ACVR2B: variants seen among roughly 807,000 people sequenced by gnomAD.
ACVR2B encodes the protein activin A receptor type 2B.
A neutral mutation model predicts 65.1 loss-of-function variants in ACVR2B; 18 were observed. The observed-to-expected ratio is 0.28, with a 90% CI of 0.19 to 0.41. The LOEUF (loss-of-function observed/expected upper bound fraction) is 0.41, where lower values mean the gene tolerates loss of function less well. Ranked by LOEUF, ACVR2B falls within the 10% of genes least tolerant of loss-of-function variation. The probability of loss-of-function intolerance (pLI) is 1.00; values close to 1 mark genes in which losing one functional copy is unlikely to be tolerated. For synonymous variants in ACVR2B, 298 were observed against 277.7 expected, an observed-to-expected ratio of 1.07 and a Z score of -0.73; for missense variants, 482 against 682.7, an observed-to-expected ratio of 0.71 and a Z score of 3.28.
intron 1 of ACVR2B, among the ~76,000 whole-genome samples, chr3:38,472,173 C>G (rs1448119322): frequency 6.6e-6 from 1 of 152,202 alleles, no homozygotes; most frequent in Non-Finnish European, 1.5e-5. Flanking sequence ...CATCTCTACA[C>G]CCCAGCTGCC....
Position 38,492,971 on chromosome 3 carries a change from A to C in ACVR2B, c.*9639A>C, listed in dbSNP as rs2059825362. ...GTCAAGTTTGAAATTAGATCTGCTA[A>C]GTTGGGGTTTTGCTGCTTGAACTCT... On this transcript the variant is annotated 3_prime_UTR_variant, in exon 11 of 11. Transcript: ENST00000352511. 1 of 152,556 alleles carries C rather than the reference A, an allele frequency of 6.6e-6. No homozygotes were observed. Among genetic ancestry groups the C allele is most frequent in the South Asian group, 2.1e-4 (1 of 4,824 alleles). The allele number at this position is 152,556 out of a possible 1,614,324, so 9.5% of individuals were successfully genotyped here.
intron 1 of ACVR2B, among the ~76,000 whole-genome samples, chr3:38,467,779 A>G (rs1443119095): frequency 6.6e-6 from 1 of 152,122 alleles, no homozygotes; most frequent in Non-Finnish European, 1.5e-5. Context: ...ACATGGAATA[A>G]TAGAGAATTC....
Position 38,461,698 on chromosome 3 carries a change from TA to T in ACVR2B, c.52+7332del, listed in dbSNP as rs554791228. 3.2e-3 allele frequency among the ~76,000 whole-genome samples: 481 copies of T among 152,180 alleles called. 3 individuals are homozygous for T. The highest frequency in any genetic ancestry group is 0.011 in the African/African-American group (458 of 41,518). On this transcript the variant is annotated intron_variant, in intron 1 of 10. Coordinates refer to ENST00000352511, the MANE Select transcript of ACVR2B (RefSeq NM_001106.4). ...TTCCCCCATAACTAATTTTCCCATT[TA>T]AAAAAAATTTATTACTTTTTAAACA...
At position 38,490,280 on chromosome 3, in the gene ACVR2B, G is replaced by A. The variant is rs62241768; in HGVS notation, c.*6948G>A. 9,289 of 152,458 alleles carry A rather than the reference G, an allele frequency of 0.061. 455 individuals are homozygous for A. The highest frequency in any genetic ancestry group is 0.19 in the East Asian group (987 of 5,174). The allele number at this position is 152,458 out of a possible 1,614,324, so 9.4% of individuals were successfully genotyped here. ...CCCAGACCCTGCCCGCTGGCTTCAG[G>A]CTGCTGCTTCTAGACAGAGGTGCAC... is the stretch of plus-strand genomic sequence containing the variant. On this transcript the variant is annotated 3_prime_UTR_variant, in exon 11 of 11. Transcript: ENST00000352511.
In ACVR2B at chr3:38,454,144, G is replaced by T; in HGVS notation, c.-179G>T. The stretch of plus-strand genomic sequence containing the variant: ...CAGCGGCCCTGAGCCCGGCCCCGCC[G>T]ACCGGCCCTTGGAGCCCGAACGCTG... On this transcript the variant is annotated 5_prime_UTR_variant, in exon 1 of 11. Transcript: ENST00000352511. 1.7e-5 allele frequency: 5 copies of T among 299,032 alleles called. No individual in the cohort carries two copies. In the South Asian group the frequency reaches 5.0e-4, roughly 30 times the overall value. The allele number at this position is 299,032 out of a possible 1,614,324, so 18.5% of individuals were successfully genotyped here. A position where few individuals can be genotyped will look rare whatever the true frequency, so the allele number is the denominator to read the frequency against.
At position 38,462,008 on chromosome 3, in the gene ACVR2B, C is replaced by T. The variant is rs1219289383; in HGVS notation, c.52+7634C>T. Among the ~76,000 whole-genome samples, 6 of 152,172 alleles carry T rather than the reference C, an allele frequency of 3.9e-5. No homozygotes were observed. The South Asian group carries it at 6.2e-4, about 16-fold the overall frequency. On this transcript the variant is annotated intron_variant, in intron 1 of 10. Transcript: ENST00000352511. ...AGGAGTTCAAGACCAGCCTGACCAA[C>T]ATGGAGAAACCCCGTCTCTACTAAA...
intron 1 of ACVR2B, chr3:38,475,125 T>C (rs1272283868): frequency 1.3e-5 from 2 of 152,282 alleles, no homozygotes; most frequent in African/African-American, 4.8e-5. Flanking sequence ...AACCCAGTAA[T>C]TGGGTGCTGC....
At position 38,486,076 on chromosome 3, in the gene ACVR2B, G is replaced by A. The variant is rs1710115003; in HGVS notation, c.*2744G>A. 1 of 152,382 alleles carries A rather than the reference G, an allele frequency of 6.6e-6. No individual in the cohort carries two copies. The highest frequency in any genetic ancestry group is 1.5e-5 in the Non-Finnish European group (1 of 68,078). 9.4% of individuals were successfully genotyped at this position (152,382 alleles called of 1,614,324 possible). ...CAAGGGAGGGTTGAGCCATGGTTCT[G>A]GTGTGGGACTTTGCGGTCAAGACAC... On this transcript the variant is annotated 3_prime_UTR_variant, in exon 11 of 11. Coordinates refer to ENST00000352511, the MANE Select transcript of ACVR2B (RefSeq NM_001106.4).
intron 10 of ACVR2B, among the ~76,000 whole-genome samples, chr3:38,482,836 T>C (rs1456455334): frequency 6.6e-6 from 1 of 152,146 alleles, no homozygotes; most frequent in East Asian, 1.9e-4. Flanking sequence ...AGGCAAGTAG[T>C]GGTGTCTATC....
chr3:38,481,420 T>C lies in ACVR2B; in HGVS notation c.1029T>C (p.Ala343=). 2 of 1,614,236 alleles carry C rather than the reference T, an allele frequency of 1.2e-6. No individual in the cohort carries two copies. Among genetic ancestry groups the C allele is most frequent in the Non-Finnish European group, 1.7e-6 (2 of 1,180,042 alleles). ...LTAVLADFGL[A]VRFEPGKPPG... Reference sequence around the variant, plus strand: ...CCGTGCTGGCTGACTTTGGCTTGGCTGTTCGATTTGAGCCAGGGAAACCTC... The same window carrying C: ...CCGTGCTGGCTGACTTTGGCTTGGCCGTTCGATTTGAGCCAGGGAAACCTC... Residue 343 remains alanine (A), a synonymous_variant, in exon 8 of 11, where the codon GCT becomes GCC. Transcript: ENST00000352511. The surrounding 1 kb of genome is among the most constrained non-coding windows in gnomAD (Gnocchi z 4.7).
At chr3:38,466,079 T>C (rs7372545) in intron 1 of ACVR2B, among the ~76,000 whole-genome samples, 2 of 152,032 alleles carry the variant, frequency 1.3e-5, no homozygotes, top group Non-Finnish European at 2.9e-5. Context: ...CAGAATGAAG[T>C]CATCATCATG....
chr3:38,465,210 A>G (rs1709708226), intron 1 of ACVR2B, among the ~76,000 whole-genome samples: 2 of 152,050 alleles, frequency 1.3e-5, no homozygotes, highest in African/African-American at 4.8e-5. Flanking sequence ...CAACCTGGCC[A>G]ACATGGTGAA....
Position 38,483,197 on chromosome 3 carries a change from C to G in ACVR2B, c.1404C>G (p.Arg468=). 6.2e-7 allele frequency: 1 copy of G among 1,614,172 alleles called. No individual in the cohort carries two copies. The highest frequency in any genetic ancestry group is 8.5e-7 in the Non-Finnish European group (1 of 1,180,026). ...GCTGGGACCATGATGCAGAGGCTCGCTTGTCCGCGGGCTGTGTGGAGGAGC... is the reference window on the plus strand; with the variant it reads ...GCTGGGACCATGATGCAGAGGCTCGGTTGTCCGCGGGCTGTGTGGAGGAGC... The part of the protein sequence containing the change: ...EECWDHDAEA[R]LSAGCVEERV... Residue 468 remains arginine (R), a synonymous_variant, in exon 11 of 11, where the codon CGC becomes CGG. Coordinates refer to ENST00000352511, the MANE Select transcript of ACVR2B (RefSeq NM_001106.4). The surrounding 1 kb of genome is among the most constrained non-coding windows in gnomAD (Gnocchi z 4.8).
intron 1 of ACVR2B, chr3:38,476,004 G>A (rs1479978160): frequency 6.6e-5 from 10 of 152,334 alleles, no homozygotes; most frequent in African/African-American, 1.9e-4. Context: ...CTATCCTCTC[G>A]GGTGTCTGTG....
Position 38,482,300 on chromosome 3 carries a change from C to T in ACVR2B, c.1177C>T (p.Leu393=). ...TGACATGTATGCCATGGGGTTGGTG[C>T]TGTGGGAGCTTGTGTCTCGCTGCAA... is the stretch of plus-strand genomic sequence containing the variant. ...RIDMYAMGLV[L]WELVSRCKAA... is the part of the protein sequence containing the mutation. The change falls in exon 9 of 11, where the codon CTG becomes TTG. Residue 393 remains leucine, a synonymous_variant. Transcript: ENST00000352511. 6.2e-7 allele frequency: 1 copy of T among 1,612,322 alleles called. No homozygotes were observed. The highest frequency in any genetic ancestry group is 1.3e-5 in the African/African-American group (1 of 74,316).
In ACVR2B at chr3:38,483,462, T is replaced by A. The variant is rs551813018; in HGVS notation, c.*130T>A. The stretch of plus-strand genomic sequence containing the variant: ...TGCAGCTGCTATTTTACCTTGACTT[T>A]TTATTATTATTATTATAATTATTAT... On this transcript the variant is annotated 3_prime_UTR_variant, in exon 11 of 11. Transcript: ENST00000352511. The surrounding 1 kb of genome is among the most constrained non-coding windows in gnomAD (Gnocchi z 4.8). The A allele has an allele frequency of 7.8e-5, 41 of 523,576 alleles. 1 individual carries two copies. Among genetic ancestry groups the A allele is most frequent in the South Asian group, 7.2e-4 (26 of 35,870 alleles). The allele number at this position is 523,576 out of a possible 1,614,324, so 32.4% of individuals were successfully genotyped here.
intron 1 of ACVR2B, among the ~76,000 whole-genome samples, chr3:38,457,592 A>G (rs570912364): frequency 6.6e-6 from 1 of 152,340 alleles, no homozygotes; most frequent in Admixed American, 6.5e-5. Flanking sequence ...TGGACACTCA[A>G]TGCTGTATCC....
chr3:38,461,144 C>G (rs143906354), intron 1 of ACVR2B, among the ~76,000 whole-genome samples: 79 of 152,262 alleles, frequency 5.2e-4, no homozygotes, highest in African/African-American at 1.8e-3. Context: ...ACAGTGTTTT[C>G]AGGTATGAGG....
rs972414070 is a variant in ACVR2B at position 38,487,625 on chromosome 3, G to A, written c.*4293G>A. ...GTGCTCTGAGCCGTGAGGGTGGGGA[G>A]GTGGCTGTTCCATTAAAGTGGGAGT... On this transcript the variant is annotated 3_prime_UTR_variant, in exon 11 of 11. Transcript: ENST00000352511. 1 of 152,264 alleles carries A rather than the reference G, an allele frequency of 6.6e-6. No homozygotes were observed. Among genetic ancestry groups the A allele is most frequent in the African/African-American group, 2.4e-5 (1 of 41,440 alleles). 9.4% of individuals were successfully genotyped at this position (152,264 alleles called of 1,614,324 possible).
Sources: gnomAD v4.1 joint callset for allele counts (sites outside exome capture counted in the v4.1 genomes callset) on GRCh38, gnomAD v4.1.1 for gene constraint, Gnocchi (gnomAD v3.1) non-coding constraint, MANE v1.5 for transcripts, NCBI Gene and HGNC (gene_info 2026-07-23, HGNC 2026-07-21) for gene names.